The following ROBO3 variants were observed in gnomAD, a reference collection of about 807,000 sequenced individuals.
The protein encoded by ROBO3 is roundabout guidance receptor 3.
ROBO3 carries 97 observed loss-of-function variants against 160.5 expected under a neutral mutation model. The observed-to-expected ratio is 0.60, with a 90% CI of 0.51 to 0.72. The LOEUF (loss-of-function observed/expected upper bound fraction) is 0.72, where lower values mean the gene tolerates loss of function less well. Among genes scored for constraint, ROBO3 ranks in the 30% least tolerant of loss-of-function variants. ROBO3 has a pLI of 0.00. For synonymous variants in ROBO3, 780 were observed against 746.2 expected (o/e 1.05, Z -0.74); for missense variants, 1,858 against 1,846.5 (o/e 1.01, Z -0.11).
chr11:124,880,622 ATTGC>A lies in ROBO3; in HGVS notation c.4149+15_4149+18del. The A allele has an allele frequency of 6.6e-7, 1 of 1,521,214 alleles. No homozygotes were observed. The highest frequency in any genetic ancestry group is 8.8e-7 in the Non-Finnish European group (1 of 1,135,580). The allele number at this position is 1,521,214 out of a possible 1,614,324, so 94.2% of individuals were successfully genotyped here. A position where few individuals can be genotyped will look rare whatever the true frequency, so the allele number is the denominator to read the frequency against. ...AAACGCCGAGAGGTAGGGGCCATAG[ATTGC>A]AGAAAAATGAGGGCAGAGGACTAGG... is the stretch of plus-strand genomic sequence containing the variant. On this transcript the variant is annotated intron_variant, in intron 27 of 27. Transcript: ENST00000397801.
rs181453003 is a variant in ROBO3, at chr11:124,876,004, A to T, written c.2472A>T (p.Ala824=). The part of the protein sequence containing the change: ...ESRFHLNRSA[A]GWARSAMLRG... ...GCTTTCACCTCAATCGATCTGCAGC[A>T]GGCTGGGCACGCTCCGCAATGCTCC... The change falls in exon 16 of 28, where the codon GCA becomes GCT. Residue 824 remains alanine, a synonymous_variant. Coordinates refer to ENST00000397801, the MANE Select transcript of ROBO3 (RefSeq NM_022370.4). This position sits in a 1 kb window ranked among gnomAD's most constrained non-coding sequence, Gnocchi z 5.3. 59 of 1,601,582 alleles carry T rather than the reference A, an allele frequency of 3.7e-5. No homozygotes were observed. In the African/African-American group the frequency reaches 7.0e-4, roughly 19 times the overall value.
chr11:124,865,620 T>G lies in ROBO3; in HGVS notation c.43T>G (p.Phe15Val). The G allele has an allele frequency of 6.2e-7, 1 of 1,612,956 alleles. No homozygotes were observed. Among genetic ancestry groups the G allele is most frequent in the East Asian group, 2.2e-5 (1 of 44,860 alleles). The change falls in exon 1 of 28, where the codon TTC becomes GTC. Residue 15 changes from phenylalanine (F) to valine (V), a missense_variant. Physicochemically the swap from Phe to Val is conservative, Grantham distance 50. Coordinates refer to ENST00000397801, the MANE Select transcript of ROBO3 (RefSeq NM_022370.4). The surrounding 1 kb of genome is among the most constrained non-coding windows in gnomAD (Gnocchi z 5.5). ...GAAAACGCTGCTGCAGATGAACTTG[T>G]TCGCGGACTCTCTGGCCGGGGACAT... The part of the protein sequence containing the change: ...LLKTLLQMNL[F>V]ADSLAGDISN...
In ROBO3 at chr11:124,873,728, A is replaced by G; in HGVS notation, c.1650A>G (p.Thr550=). ...EDWGVSPDPP[T]EPSSPPGAPS... Reference sequence around the variant, plus strand: ...GGGGAGTATCACCAGACCCCCCTACAGAACCCAGTTCCCCTCCGGGGGCTC... The same window carrying G: ...GGGGAGTATCACCAGACCCCCCTACGGAACCCAGTTCCCCTCCGGGGGCTC... Residue 550 remains threonine, a synonymous_variant, in exon 11 of 28, where the codon ACA becomes ACG. Coordinates refer to ENST00000397801, the MANE Select transcript of ROBO3 (RefSeq NM_022370.4). The surrounding 1 kb of genome is among the most constrained non-coding windows in gnomAD (Gnocchi z 4.5). 5.0e-6 allele frequency: 8 copies of G among 1,613,774 alleles called. No homozygotes were observed. The highest frequency in any genetic ancestry group is 6.8e-6 in the Non-Finnish European group (8 of 1,179,788).
rs1193452305 is a variant in ROBO3, at chr11:124,875,996, T to G, written c.2464T>G (p.Ser822Ala). Residue 822 changes from serine (S) to alanine (A), a missense_variant, in exon 16 of 28, where the codon TCT (serine) becomes GCT (alanine). Coordinates refer to ENST00000397801, the MANE Select transcript of ROBO3 (RefSeq NM_022370.4). Reference protein sequence around the residue: ...GNESRFHLNRSAAGWARSAML... With the variant: ...GNESRFHLNRAAAGWARSAML... Reference sequence around the variant, plus strand: ...TGAGAGCCGCTTTCACCTCAATCGATCTGCAGCAGGCTGGGCACGCTCCGC... The same window carrying G: ...TGAGAGCCGCTTTCACCTCAATCGAGCTGCAGCAGGCTGGGCACGCTCCGC... 2 of 1,601,112 alleles carry G rather than the reference T, an allele frequency of 1.2e-6. No homozygotes were observed. Among genetic ancestry groups the G allele is most frequent in the South Asian group, 2.3e-5 (2 of 88,228 alleles).
In ROBO3 at chr11:124,865,519, G is replaced by GAC; in HGVS notation, c.-59_-58insAC. The GAC allele has an allele frequency of 1.3e-6, 2 of 1,566,754 alleles. No homozygotes were observed. The highest frequency in any genetic ancestry group is 1.7e-6 in the Non-Finnish European group (2 of 1,154,334). ...GGGGCTTACGGCTCCCAGCCCACGGGTCTCAGACCCAGGGGCTGGGCCCCC... is the reference window on the plus strand; with the variant it reads ...GGGGCTTACGGCTCCCAGCCCACGGGACTCTCAGACCCAGGGGCTGGGCCCCC... On this transcript the variant is annotated 5_prime_UTR_variant, in exon 1 of 28. Coordinates refer to ENST00000397801, the MANE Select transcript of ROBO3 (RefSeq NM_022370.4). This position sits in a 1 kb window ranked among gnomAD's most constrained non-coding sequence, Gnocchi z 5.5.
At chr11:124,877,360 CTTCTTCCG>C in intron 19 of ROBO3, 51 bp downstream of exon 19, 1 of 1,608,718 alleles carries the variant, frequency 6.2e-7, no homozygotes, top group Non-Finnish European at 8.5e-7. Context: ...ACAGGCCACT[CTTCTTCCG>C]CCCCGCTGAC....
rs372046315 is a variant in ROBO3, at chr11:124,873,075, A to G, written c.1522A>G (p.Ile508Val). The change falls in exon 9 of 28, where the codon ATC becomes GTC. Residue 508 changes from isoleucine to valine, a missense_variant. Coordinates refer to ENST00000397801, the MANE Select transcript of ROBO3 (RefSeq NM_022370.4). The surrounding 1 kb of genome is among the most constrained non-coding windows in gnomAD (Gnocchi z 4.5). Reference protein sequence around the residue: ...FKTMANGTLYIANVQEMDMGF... With the variant: ...FKTMANGTLYVANVQEMDMGF... ...GACAATGGCCAACGGTACCCTGTAC[A>G]TCGCCAATGTGCAGGTGAGTGTCAC... 6 of 1,613,686 alleles carry G rather than the reference A, an allele frequency of 3.7e-6. No homozygotes were observed. Among genetic ancestry groups the G allele is most frequent in the Non-Finnish European group, 5.1e-6 (6 of 1,179,730 alleles).
chr11:124,866,066 G>T (rs923869699), intron 1 of ROBO3, among the ~76,000 whole-genome samples: 1 of 152,320 alleles, frequency 6.6e-6, no homozygotes, highest in Non-Finnish European at 1.5e-5. Context: ...CGGGCCCAGC[G>T]CAGGGAGGGC....
At chr11:124,867,283 C>T (rs1002054282) in intron 1 of ROBO3, among the ~76,000 whole-genome samples, 39 of 152,320 alleles carry the variant, frequency 2.6e-4, no homozygotes, top group African/African-American at 8.4e-4. Flanking sequence ...AGAGTAGTGA[C>T]GTTTATCCCC....
chr11:124,876,871 C>A lies in ROBO3; in HGVS notation c.2780-290C>A. On this transcript the variant is annotated intron_variant, in intron 17 of 27. Transcript: ENST00000397801. This position sits in a 1 kb window ranked among gnomAD's most constrained non-coding sequence, Gnocchi z 5.3. ...AAAGGCGGGGCCCGCTGAAAGAAGG[C>A]GATCCGAGTTCTGCTACTTCCTAGT... is the stretch of plus-strand genomic sequence containing the variant. 3.5e-6 allele frequency: 2 copies of A among 568,690 alleles called. No individual in the cohort carries two copies. Among genetic ancestry groups the A allele is most frequent in the Non-Finnish European group, 3.1e-6 (1 of 320,070 alleles). 35.2% of individuals were successfully genotyped at this position (568,690 alleles called of 1,614,324 possible). A position where few individuals can be genotyped will look rare whatever the true frequency, so the allele number is the denominator to read the frequency against.
At chr11:124,870,974 C>T (rs1438233660) in intron 6 of ROBO3, 40 bp from the exon 7 acceptor site, 1 of 1,592,924 alleles carries the variant, frequency 6.3e-7, no homozygotes, top group Non-Finnish European at 8.6e-7. Context: ...TTCTTAGTGC[C>T]TCTGACTACC....
Position 124,873,582 on chromosome 11 carries a change from C to T in ROBO3, c.1619-115C>T. 1 of 1,069,392 alleles carries T rather than the reference C, an allele frequency of 9.4e-7. No homozygotes were observed. Among genetic ancestry groups the T allele is most frequent in the Non-Finnish European group, 1.3e-6 (1 of 742,324 alleles). The allele number at this position is 1,069,392 out of a possible 1,614,324, so 66.2% of individuals were successfully genotyped here. ...GTGAGTAGGGGTTCATATACTATAG[C>T]CCACTCTGACCATCACCGCAGCTCA... On this transcript the variant is annotated intron_variant, in intron 10 of 27. Transcript: ENST00000397801. This position sits in a 1 kb window ranked among gnomAD's most constrained non-coding sequence, Gnocchi z 4.5.
Position 124,881,401 on chromosome 11 carries a change from C to T in ROBO3, c.*151C>T. 2.8e-6 allele frequency: 2 copies of T among 711,820 alleles called. No individual in the cohort carries two copies. The highest frequency in any genetic ancestry group is 4.7e-6 in the Non-Finnish European group (2 of 421,474). The allele number at this position is 711,820 out of a possible 1,614,324, so 44.1% of individuals were successfully genotyped here. On this transcript the variant is annotated 3_prime_UTR_variant, in exon 28 of 28. Transcript: ENST00000397801. ...GAGAAGGCAGAGAGCTAGCTCCTCC[C>T]TTTCTTTCTTTTTCCACCTGAGACT... is the stretch of plus-strand genomic sequence containing the variant.
In ROBO3 at chr11:124,877,143, C is replaced by T. The variant is rs1273017910; in HGVS notation, c.2780-18C>T. 1.2e-6 allele frequency: 2 copies of T among 1,613,748 alleles called. No individual in the cohort carries two copies. The highest frequency in any genetic ancestry group is 1.1e-5 in the South Asian group (1 of 91,074). ...CTCATTTCACCTCTTCTTTCTCCCA[C>T]GGGTTCCTTTCTGGAAGCCTCTTTT... On this transcript the variant is annotated intron_variant, in intron 17 of 27. Transcript: ENST00000397801.
At chr11:124,879,989 G>C (rs1233894902) in intron 26 of ROBO3, 41 bp downstream of exon 26, 2 of 1,507,668 alleles carry the variant, frequency 1.3e-6, no homozygotes, top group South Asian at 1.3e-5. Flanking sequence ...GCTGCCACAG[G>C]AGACTGTGGG....
intron 1 of ROBO3, among the ~76,000 whole-genome samples, chr11:124,866,487 T>A (rs1269033153): frequency 6.6e-6 from 1 of 152,200 alleles, no homozygotes; most frequent in African/African-American, 2.4e-5. Flanking sequence ...AACCCCCGCT[T>A]TACCGGGCGC....
At position 124,865,480 on chromosome 11, in the gene ROBO3, GCA is replaced by G. The variant is rs1390024092; in HGVS notation, c.-97_-96del. 9.4e-6 allele frequency: 12 copies of G among 1,279,842 alleles called. No individual in the cohort carries two copies. Among genetic ancestry groups the G allele is most frequent in the Non-Finnish European group, 1.3e-5 (12 of 929,210 alleles). 79.3% of individuals were successfully genotyped at this position (1,279,842 alleles called of 1,614,324 possible). On this transcript the variant is annotated 5_prime_UTR_variant, in exon 1 of 28. Transcript: ENST00000397801. This position sits in a 1 kb window ranked among gnomAD's most constrained non-coding sequence, Gnocchi z 5.5. ...AGCGGCACCGTGGCTGCCGCAGCGCGCAGAGGCTGTGGAGGGGCTTACGGCTC... is the reference window on the plus strand; with the variant it reads ...AGCGGCACCGTGGCTGCCGCAGCGCGGAGGCTGTGGAGGGGCTTACGGCTC...
chr11:124,870,555 G>A, intron 5 of ROBO3, 46 bp from the exon 6 acceptor site: 7 of 1,612,532 alleles, frequency 4.3e-6, no homozygotes, highest in South Asian at 1.1e-5. Context: ...AGAGAGAAAG[G>A]GTCTGTAGCT....
At chr11:124,879,162 C>A in intron 23 of ROBO3, 28 bp from the exon 24 acceptor site, 1 of 1,546,664 alleles carries the variant, frequency 6.5e-7, no homozygotes, top group Non-Finnish European at 8.7e-7. Flanking sequence ...GTGGAGGGAA[C>A]AGAGGCTGCG....
Sources: allele counts gnomAD v4.1 joint callset (sites outside exome capture counted in the v4.1 genomes callset), GRCh38; gene constraint gnomAD v4.1.1; non-coding constraint Gnocchi (gnomAD v3.1); transcripts MANE v1.5; gene names NCBI Gene and HGNC (gene_info 2026-07-23, HGNC 2026-07-21).